DNAJC22: variants seen among roughly 807,000 people sequenced by gnomAD.
DNAJC22 encodes dnaJ homolog subfamily C member 22.
In DNAJC22, 24 loss-of-function variants were observed where a neutral mutation model predicts 22.2. The ratio of observed to expected loss-of-function variants is 1.08; its 90% CI spans 0.78 to 1.52. DNAJC22 has a LOEUF of 1.52. Among genes scored for constraint, DNAJC22 ranks in the 40% most tolerant of loss-of-function variants. The pLI is 0.00. For synonymous variants in DNAJC22, 160 were observed against 167.4 expected, an observed-to-expected ratio of 0.96 and a Z score of 0.34; for missense variants, 434 against 421.7, an observed-to-expected ratio of 1.03 and a Z score of -0.26.
Position 49,352,746 on chromosome 12 carries a change from C to T in DNAJC22, c.*1244C>T, listed in dbSNP as rs1943798629. 1 of 152,108 alleles carries T rather than the reference C, an allele frequency of 6.6e-6. No homozygotes were observed. The highest frequency in any genetic ancestry group is 1.5e-5 in the Non-Finnish European group (1 of 68,016). The allele number at this position is 152,108 out of a possible 1,614,324, so 9.4% of individuals were successfully genotyped here. A position where few individuals can be genotyped will look rare whatever the true frequency, so the allele number is the denominator to read the frequency against. ...ATGGGAGAACTTTCTAGCAGCTACA[C>T]TTTCTCCAAAAGGGAACAAGCTACT... On this transcript the variant is annotated 3_prime_UTR_variant, in exon 4 of 4. Transcript: ENST00000549441.
chr12:49,351,118 C>CT, intron 3 of DNAJC22, 199 bp from the exon 4 acceptor site: 1 of 971,990 alleles, frequency 1.0e-6, no homozygotes, highest in Non-Finnish European at 1.2e-6. Flanking sequence ...GGCTGGAATT[C>CT]TTTTTTCTAA....
rs1592324477 is a variant in DNAJC22, at chr12:49,352,679, G to A, written c.*1177G>A. On this transcript the variant is annotated 3_prime_UTR_variant, in exon 4 of 4. Transcript: ENST00000549441. ...TTTTCTGTAGATGGGGTGAGACTAG[G>A]ATTAAATTTCAAAATTTGAGAAAAA... 1 of 152,298 alleles carries A rather than the reference G, an allele frequency of 6.6e-6. No homozygotes were observed. The highest frequency in any genetic ancestry group is 2.4e-5 in the African/African-American group (1 of 41,568). The allele number at this position is 152,298 out of a possible 1,614,324, so 9.4% of individuals were successfully genotyped here.
At position 49,351,567 on chromosome 12, in the gene DNAJC22, C is replaced by T. The variant is rs749531492; in HGVS notation, c.*65C>T. 1.7e-5 allele frequency: 25 copies of T among 1,469,922 alleles called. No homozygotes were observed. The highest frequency in any genetic ancestry group is 2.2e-5 in the Non-Finnish European group (24 of 1,110,882). 91.1% of individuals were successfully genotyped at this position (1,469,922 alleles called of 1,614,324 possible). ...GCTGGGCAACTTGTCCCAAATCTAG[C>T]TTTGCCCACGAATGGCATCCCAACA... On this transcript the variant is annotated 3_prime_UTR_variant, in exon 4 of 4. Transcript: ENST00000549441.
chr12:49,352,416 T>C lies in DNAJC22; in HGVS notation c.*914T>C, dbSNP rs1943795575. Reference sequence around the variant, plus strand: ...CTGTAGCCCCAGCTAGTCGGGAGGCTGAGGCAGGAAAATCACTTGAGCCTG... The same window carrying C: ...CTGTAGCCCCAGCTAGTCGGGAGGCCGAGGCAGGAAAATCACTTGAGCCTG... On this transcript the variant is annotated 3_prime_UTR_variant, in exon 4 of 4. Transcript: ENST00000549441. 6.6e-6 allele frequency: 1 copy of C among 152,174 alleles called. No homozygotes were observed. Among genetic ancestry groups the C allele is most frequent in the South Asian group, 2.1e-4 (1 of 4,822 alleles). The allele number at this position is 152,174 out of a possible 1,614,324, so 9.4% of individuals were successfully genotyped here.
At position 49,349,155 on chromosome 12, in the gene DNAJC22, G is replaced by T. The variant is rs780779890; in HGVS notation, c.283G>T (p.Ala95Ser). 1.2e-6 allele frequency: 2 copies of T among 1,614,130 alleles called. No homozygotes were observed. Among genetic ancestry groups the T allele is most frequent in the South Asian group, 1.1e-5 (1 of 91,084 alleles). ...VIVGIYFGLV[A>S]LISLSSMVNF... ...AGTTGGCATCTATTTTGGCCTTGTG[G>T]CACTGATTAGCCTTTCTTCCATGGT... The change falls in exon 3 of 4, where the codon GCA (alanine) becomes TCA (serine). Residue 95 changes from alanine (A) to serine (S), a missense_variant. Coordinates refer to ENST00000549441, the MANE Select transcript of DNAJC22 (RefSeq NM_001304944.2).
At position 49,348,754 on chromosome 12, in the gene DNAJC22, C is replaced by T; in HGVS notation, c.-107-12C>T. 7.5e-7 allele frequency: 1 copy of T among 1,337,146 alleles called. No individual in the cohort carries two copies. Among genetic ancestry groups the T allele is most frequent in the Non-Finnish European group, 9.7e-7 (1 of 1,029,352 alleles). 82.8% of individuals were successfully genotyped at this position (1,337,146 alleles called of 1,614,324 possible). Reference sequence around the variant, plus strand: ...ACATCATCTTATGACTCTACTTTTTCCCATCTCTTAGGGTCTAAGGATAAC... The same window carrying T: ...ACATCATCTTATGACTCTACTTTTTTCCATCTCTTAGGGTCTAAGGATAAC... On this transcript the variant is annotated splice_polypyrimidine_tract_variant and intron_variant, in intron 2 of 3. Transcript: ENST00000549441.
In DNAJC22 at chr12:49,352,139, C is replaced by A. The variant is rs1221285370; in HGVS notation, c.*637C>A. On this transcript the variant is annotated 3_prime_UTR_variant, in exon 4 of 4. Coordinates refer to ENST00000549441, the MANE Select transcript of DNAJC22 (RefSeq NM_001304944.2). Reference sequence around the variant, plus strand: ...AAAAAATTAATTAGAAAAAATATATCTTTTAGAGAACACACCACCTTATCC... The same window carrying A: ...AAAAAATTAATTAGAAAAAATATATATTTTAGAGAACACACCACCTTATCC... 1 of 152,138 alleles carries A rather than the reference C, an allele frequency of 6.6e-6. No homozygotes were observed. The allele number at this position is 152,138 out of a possible 1,614,324, so 9.4% of individuals were successfully genotyped here.
rs892149669 is a variant in DNAJC22 at position 49,352,627 on chromosome 12, C to G, written c.*1125C>G. On this transcript the variant is annotated 3_prime_UTR_variant, in exon 4 of 4. Coordinates refer to ENST00000549441, the MANE Select transcript of DNAJC22 (RefSeq NM_001304944.2). ...ATATGAAGGTTCTAGTATTCACAAG[C>G]TGTCCTGTGATAAGAGAGATTTGAT... 6.6e-6 allele frequency: 1 copy of G among 152,182 alleles called. No homozygotes were observed. The highest frequency in any genetic ancestry group is 2.4e-5 in the African/African-American group (1 of 41,440). 9.4% of individuals were successfully genotyped at this position (152,182 alleles called of 1,614,324 possible). A position where few individuals can be genotyped will look rare whatever the true frequency, so the allele number is the denominator to read the frequency against.
rs1943785735 is a variant in DNAJC22, at chr12:49,351,556, C to T, written c.*54C>T. 2.7e-6 allele frequency: 4 copies of T among 1,480,468 alleles called. No homozygotes were observed. The African/African-American group carries it at 5.8e-5, about 22-fold the overall frequency. 91.7% of individuals were successfully genotyped at this position (1,480,468 alleles called of 1,614,324 possible). A position where few individuals can be genotyped will look rare whatever the true frequency, so the allele number is the denominator to read the frequency against. ...TTCCTAGCAGAGCTGGGCAACTTGT[C>T]CCAAATCTAGCTTTGCCCACGAATG... On this transcript the variant is annotated 3_prime_UTR_variant, in exon 4 of 4. Coordinates refer to ENST00000549441, the MANE Select transcript of DNAJC22 (RefSeq NM_001304944.2).
In DNAJC22 at chr12:49,351,523, AC is replaced by A; in HGVS notation, c.*22del. The A allele has an allele frequency of 6.6e-7, 1 of 1,518,862 alleles. No homozygotes were observed. Among genetic ancestry groups the A allele is most frequent in the Non-Finnish European group, 8.8e-7 (1 of 1,140,662 alleles). 94.1% of individuals were successfully genotyped at this position (1,518,862 alleles called of 1,614,324 possible). ...GGTGAAAAGAAACTTCCCCCTGAGG[AC>A]TGACTCTTCCTAGCAGAGCTGGGCA... On this transcript the variant is annotated 3_prime_UTR_variant, in exon 4 of 4. Coordinates refer to ENST00000549441, the MANE Select transcript of DNAJC22 (RefSeq NM_001304944.2).
intron 2 of DNAJC22, 30 bp from the exon 3 acceptor site, chr12:49,348,736 C>A: frequency 8.0e-7 from 1 of 1,251,212 alleles, no homozygotes; most frequent in Non-Finnish European, 1.0e-6. Context: ...TGGACATCAT[C>A]TTATGACTCT....
Position 49,349,370 on chromosome 12 carries a change from T to G in DNAJC22, c.498T>G (p.His166Gln). Residue 166 changes from histidine (H) to glutamine (Q), a missense_variant, in exon 3 of 4, where the codon CAT (histidine) becomes CAG (glutamine). Physicochemically the swap from His to Gln is conservative, Grantham distance 24. Transcript: ENST00000549441. ...CCGCCAGCATTACAGCTCAGAGGCA[T>G]CGCCGCTACAAAGCTTTGGTGGCAT... ...SVAASITAQR[H>Q]RRYKALVASE... 1.2e-6 allele frequency: 2 copies of G among 1,605,672 alleles called. No homozygotes were observed. The highest frequency in any genetic ancestry group is 1.7e-6 in the Non-Finnish European group (2 of 1,175,862).
rs1173641869 is a variant in DNAJC22 at position 49,351,608 on chromosome 12, C to T, written c.*106C>T. 3 of 1,263,094 alleles carry T rather than the reference C, an allele frequency of 2.4e-6. No individual in the cohort carries two copies. The highest frequency in any genetic ancestry group is 2.1e-6 in the Non-Finnish European group (2 of 950,094). The allele number at this position is 1,263,094 out of a possible 1,614,324, so 78.2% of individuals were successfully genotyped here. On this transcript the variant is annotated 3_prime_UTR_variant, in exon 4 of 4. Transcript: ENST00000549441. ...CATCCCAACAGAGTTAAAGAAACTG[C>T]TTGCAGGGGCTGGGCGTGGTGGCTC...
intron 3 of DNAJC22, 150 bp from the exon 4 acceptor site, chr12:49,351,167 A>T: frequency 6.9e-7 from 1 of 1,446,554 alleles, no homozygotes; most frequent in Non-Finnish European, 9.0e-7. Context: ...ATAAGGCTGG[A>T]ATTCTAACCT....
intron 3 of DNAJC22, among the ~76,000 whole-genome samples, chr12:49,350,081 C>CTTTT (rs113751660): frequency 5.5e-5 from 8 of 144,638 alleles, no homozygotes; most frequent in African/African-American, 1.8e-4. Flanking sequence ...TCTTCTTCTT[C>CTTTT]TTTTTTTTTT....
In DNAJC22 at chr12:49,349,141, A is replaced by G. The variant is rs1943740200; in HGVS notation, c.269A>G (p.Tyr90Cys). 1.9e-6 allele frequency: 3 copies of G among 1,613,974 alleles called. No individual in the cohort carries two copies. Among genetic ancestry groups the G allele is most frequent in the East Asian group, 2.2e-5 (1 of 44,886 alleles). The change falls in exon 3 of 4, where the codon TAT becomes TGT. Residue 90 changes from tyrosine (Y) to cysteine (C), a missense_variant. By Grantham distance (194) the Tyr-to-Cys change is radical. Transcript: ENST00000549441. Reference protein sequence around the residue: ...RFAAQVIVGIYFGLVALISLS... With the variant: ...RFAAQVIVGICFGLVALISLS... ...GCTGCCCAGGTGATAGTTGGCATCT[A>G]TTTTGGCCTTGTGGCACTGATTAGC...
chr12:49,349,120 C>G lies in DNAJC22; in HGVS notation c.248C>G (p.Ala83Gly), dbSNP rs775381335. 1.2e-6 allele frequency: 2 copies of G among 1,614,056 alleles called. No individual in the cohort carries two copies. Among genetic ancestry groups the G allele is most frequent in the East Asian group, 4.5e-5 (2 of 44,900 alleles). Residue 83 changes from alanine to glycine, a missense_variant, in exon 3 of 4, where the codon GCC becomes GGC. Physicochemically the swap from Ala to Gly is moderately conservative, Grantham distance 60. Coordinates refer to ENST00000549441, the MANE Select transcript of DNAJC22 (RefSeq NM_001304944.2). ...TPPLSPIRFAAQVIVGIYFGL... is the reference protein window; with the variant it reads ...TPPLSPIRFAGQVIVGIYFGL... ...CCTCTGAGTCCCATTCGCTTTGCTG[C>G]CCAGGTGATAGTTGGCATCTATTTT...
In DNAJC22 at chr12:49,351,492, C is replaced by G; in HGVS notation, c.1016C>G (p.Ser339Cys). ...AGTCAACCCAGGAAGCCCTGGGGAT[C>G]CCGGAGGTGAAAAGAAACTTCCCCC... Reference protein sequence around the residue: ...VLSQPRKPWGSRR With the variant: ...VLSQPRKPWGCRR Residue 339 changes from serine (S) to cysteine (C), a missense_variant, in exon 4 of 4, where the codon TCC becomes TGC. Transcript: ENST00000549441. 1 of 1,538,612 alleles carries G rather than the reference C, an allele frequency of 6.5e-7. No individual in the cohort carries two copies. Among genetic ancestry groups the G allele is most frequent in the Non-Finnish European group, 8.7e-7 (1 of 1,150,258 alleles).
In DNAJC22 at chr12:49,352,133, A is replaced by C. The variant is rs1943792751; in HGVS notation, c.*631A>C. ...ATCAATAAAAAATTAATTAGAAAAA[A>C]TATATCTTTTAGAGAACACACCACC... On this transcript the variant is annotated 3_prime_UTR_variant, in exon 4 of 4. Transcript: ENST00000549441. 1 of 152,222 alleles carries C rather than the reference A, an allele frequency of 6.6e-6. No individual in the cohort carries two copies. Among genetic ancestry groups the C allele is most frequent in the South Asian group, 2.1e-4 (1 of 4,832 alleles). The allele number at this position is 152,222 out of a possible 1,614,324, so 9.4% of individuals were successfully genotyped here.
Sources: allele counts gnomAD v4.1 joint callset (sites outside exome capture counted in the v4.1 genomes callset), GRCh38; gene constraint gnomAD v4.1.1; transcripts MANE v1.5; gene names NCBI Gene and HGNC (gene_info 2026-07-23, HGNC 2026-07-21).